The following NCOA2 variants were observed in gnomAD, a reference collection of about 807,000 sequenced individuals.
NCOA2 encodes the protein class E basic helix-loop-helix protein 75.
In NCOA2, 21 loss-of-function variants were observed where a neutral mutation model predicts 145.1. That is an observed-to-expected ratio of 0.14 (90% CI 0.10 to 0.21). The LOEUF is 0.21. Among genes scored for constraint, NCOA2 ranks in the 10% least tolerant of loss-of-function variants. The pLI is 1.00. For synonymous variants in NCOA2, 619 were observed against 637.5 expected, an observed-to-expected ratio of 0.97 and a Z score of 0.44; for missense variants, 1,472 against 1,837.6, an observed-to-expected ratio of 0.80 and a Z score of 3.64.
chr8:70,119,873 C>CT (rs34652365), intron 22 of NCOA2, among the ~76,000 whole-genome samples: 2,246 of 144,150 alleles, frequency 0.016, 34 homozygotes, highest in African/African-American at 0.037. Flanking sequence ...CCTTTGTCCA[C>CT]TTTTTTTTTT....
chr8:70,267,896 A>G (rs1329441908), intron 2 of NCOA2, among the ~76,000 whole-genome samples: 1 of 152,252 alleles, frequency 6.6e-6, no homozygotes, highest in Non-Finnish European at 1.5e-5. Flanking sequence ...ATTGCTAATT[A>G]TAATAAATAT....
the NCOA2 span, among the ~76,000 whole-genome samples, chr8:70,456,405 G>A: frequency 1.3e-5 from 2 of 152,180 alleles, no homozygotes; most frequent in Non-Finnish European, 2.9e-5. Flanking sequence ...TCAATGCACT[G>A]GTCAAGCGCC....
At chr8:70,442,642 T>A in the NCOA2 span, among the ~76,000 whole-genome samples, 1 of 152,238 alleles carries the variant, frequency 6.6e-6, no homozygotes, top group African/African-American at 2.4e-5. Flanking sequence ...ATTTATTTTC[T>A]TGTAACAAGG....
intron 2 of NCOA2, among the ~76,000 whole-genome samples, chr8:70,250,972 T>C (rs781595075): frequency 5.3e-5 from 8 of 152,206 alleles, no homozygotes; most frequent in Non-Finnish European, 8.8e-5. Flanking sequence ...AATAGTAAGA[T>C]AGTAAGGGAA....
intron 2 of NCOA2, among the ~76,000 whole-genome samples, chr8:70,232,082 T>C (rs1367776820): frequency 6.6e-6 from 1 of 152,204 alleles, no homozygotes; most frequent in African/African-American, 2.4e-5. Flanking sequence ...AACCTTGTTA[T>C]TACGCAGTAC....
At chr8:70,135,484 A>G (rs1809629470) in intron 15 of NCOA2, among the ~76,000 whole-genome samples, 1 of 151,924 alleles carries the variant, frequency 6.6e-6, no homozygotes. Flanking sequence ...TACATTAAAA[A>G]CCACTTTTAT....
At chr8:70,389,565 C>G (rs1260621481) in intron 1 of NCOA2, among the ~76,000 whole-genome samples, 1 of 151,958 alleles carries the variant, frequency 6.6e-6, no homozygotes, top group Non-Finnish European at 1.5e-5. Context: ...CAGGCATGAG[C>G]CACCATGCCT....
intron 15 of NCOA2, among the ~76,000 whole-genome samples, chr8:70,135,141 A>G (rs1809584181): frequency 6.6e-6 from 1 of 152,098 alleles, no homozygotes; most frequent in Non-Finnish European, 1.5e-5. Context: ...TCTCCAAAAG[A>G]TGCTACACAT....
chr8:70,388,523 AATGTATAT>A (rs1812876150), intron 1 of NCOA2, among the ~76,000 whole-genome samples: 1 of 152,182 alleles, frequency 6.6e-6, no homozygotes, highest in African/African-American at 2.4e-5. Flanking sequence ...TTTTTATTCT[AATGTATAT>A]ATTATACAAT....
intron 15 of NCOA2, 115 bp from the exon 16 acceptor site, chr8:70,132,117 T>C (rs1433621291): frequency 1.7e-5 from 18 of 1,040,234 alleles, no homozygotes; most frequent in Non-Finnish European, 2.4e-5. Context: ...TGCAACAAAC[T>C]ACTGTACCAA....
At chr8:70,146,397 A>G (rs1025834718) in intron 12 of NCOA2, among the ~76,000 whole-genome samples, 1 of 152,260 alleles carries the variant, frequency 6.6e-6, no homozygotes, top group Non-Finnish European at 1.5e-5. Flanking sequence ...TACAAATTAT[A>G]GTAACTTATT....
At chr8:70,268,384 C>T (rs1403170797) in intron 2 of NCOA2, among the ~76,000 whole-genome samples, 2 of 152,128 alleles carry the variant, frequency 1.3e-5, no homozygotes, top group African/African-American at 4.8e-5. Context: ...TTTAATGATA[C>T]TCAATCTAGC....
chr8:70,127,677 G>C (rs1808590304), intron 18 of NCOA2, among the ~76,000 whole-genome samples: 1 of 152,176 alleles, frequency 6.6e-6, no homozygotes, highest in Non-Finnish European at 1.5e-5. Flanking sequence ...CCACATTTCT[G>C]AAGTTGCCTA....
chr8:70,350,861 T>C (rs908915925), intron 1 of NCOA2, among the ~76,000 whole-genome samples: 16 of 152,236 alleles, frequency 1.1e-4, no homozygotes, highest in Admixed American at 1.0e-3. Context: ...GACATCGTCT[T>C]AGTCCATTTT....
intron 4 of NCOA2, among the ~76,000 whole-genome samples, chr8:70,194,264 T>A (rs918714231): frequency 3.3e-5 from 5 of 152,258 alleles, no homozygotes; most frequent in African/African-American, 1.2e-4. Context: ...TTACATTCTT[T>A]TCCAGAACAC....
chr8:70,302,174 T>C (rs1827562191), intron 1 of NCOA2, among the ~76,000 whole-genome samples: 2 of 152,186 alleles, frequency 1.3e-5, no homozygotes, highest in Non-Finnish European at 2.9e-5. Flanking sequence ...ATATTACATA[T>C]ATTTGTAATG....
At chr8:70,115,700 C>A (rs1807023287) in intron 22 of NCOA2, among the ~76,000 whole-genome samples, 1 of 152,144 alleles carries the variant, frequency 6.6e-6, no homozygotes, top group Non-Finnish European at 1.5e-5. Flanking sequence ...CAATTTTAAT[C>A]TATTTAAATA....
In NCOA2 at chr8:70,112,549, T is replaced by C. The variant is rs1806632391; in HGVS notation, c.*1083A>G. 2 of 206,092 alleles carry C rather than the reference T, an allele frequency of 9.7e-6. No individual in the cohort carries two copies. Among genetic ancestry groups the C allele is most frequent in the African/African-American group, 4.6e-5 (2 of 43,776 alleles). The allele number at this position is 206,092 out of a possible 1,614,324, so 12.8% of individuals were successfully genotyped here. A position where few individuals can be genotyped will look rare whatever the true frequency, so the allele number is the denominator to read the frequency against. ...TTTCTCCCATTTTGGAGGCCAGAGT[T>C]GCTGGGGAACAGAATAAACATGCTT... On this transcript the variant is annotated 3_prime_UTR_variant, in exon 23 of 23. Coordinates refer to ENST00000452400, the MANE Select transcript of NCOA2 (RefSeq NM_006540.4).
chr8:70,245,945 A>G (rs1175388620), intron 2 of NCOA2, among the ~76,000 whole-genome samples: 2 of 152,170 alleles, frequency 1.3e-5, no homozygotes, highest in Non-Finnish European at 2.9e-5. Context: ...ACATGTAAAC[A>G]TACTTTTTAA....
Sources: allele counts gnomAD v4.1 joint callset (sites outside exome capture counted in the v4.1 genomes callset), GRCh38; gene constraint gnomAD v4.1.1; transcripts MANE v1.5; gene names NCBI Gene and HGNC (gene_info 2026-07-23, HGNC 2026-07-21).